The following DIS3L2 variants were observed in gnomAD, a reference collection of about 807,000 sequenced individuals.
DIS3L2 encodes the protein DIS3-like exonuclease 2.
Under a neutral mutation model 97.5 loss-of-function variants are expected in DIS3L2, and 34 were observed. That is an observed-to-expected ratio of 0.35 (90% CI 0.27 to 0.46). The LOEUF is 0.46. Ranked by LOEUF, DIS3L2 falls within the 20% of genes least tolerant of loss-of-function variation. The pLI, the probability that DIS3L2 is intolerant of heterozygous loss-of-function variation, is 1.00. For synonymous variants in DIS3L2, 435 were observed against 445.2 expected (o/e 0.98, Z 0.29); for missense variants, 1,038 against 1,146.0 (o/e 0.91, Z 1.36).
chr2:232,333,149 A>ACCTCCTCCTTCT (rs1553551342), intron 16 of DIS3L2, among the ~76,000 whole-genome samples: 69 of 96,512 alleles, frequency 7.1e-4, no homozygotes, highest in African/African-American at 2.3e-3. Flanking sequence ...TCCTTCCACC[A>ACCTCCTCCTTCT]CCTCCTCCTT....
At chr2:232,001,955 A>G (rs147784419) in intron 1 of DIS3L2, among the ~76,000 whole-genome samples, 1,712 of 152,128 alleles carry the variant, frequency 0.011, 19 homozygotes, top group Non-Finnish European at 0.016. Flanking sequence ...TCCTGACCTC[A>G]GGTGATCCAC....
At chr2:231,974,214 T>C (rs554703100) in intron 1 of DIS3L2, among the ~76,000 whole-genome samples, 1 of 151,952 alleles carries the variant, frequency 6.6e-6, no homozygotes, top group Admixed American at 6.6e-5. Flanking sequence ...CAAGTCTAAG[T>C]AAAAGAGGAG....
intron 5 of DIS3L2, among the ~76,000 whole-genome samples, chr2:232,078,331 A>C (rs914848584): frequency 2.0e-5 from 3 of 152,168 alleles, no homozygotes; most frequent in Middle Eastern, 6.8e-3. Context: ...GGCATGAGCC[A>C]CCTCGCCCAG....
intron 13 of DIS3L2, among the ~76,000 whole-genome samples, chr2:232,299,015 T>G (rs1454144059): frequency 1.3e-5 from 2 of 152,232 alleles, no homozygotes; most frequent in African/African-American, 4.8e-5. Flanking sequence ...TGACTCCCTA[T>G]CAGTCCCCAA....
intron 13 of DIS3L2, among the ~76,000 whole-genome samples, chr2:232,282,532 G>C (rs1382579086): frequency 6.6e-6 from 1 of 152,208 alleles, no homozygotes; most frequent in African/African-American, 2.4e-5. Context: ...CTATATAATG[G>C]AGTCTTCACA....
At chr2:231,967,408 A>G (rs1458081641) in intron 1 of DIS3L2, among the ~76,000 whole-genome samples, 1 of 152,214 alleles carries the variant, frequency 6.6e-6, no homozygotes, top group East Asian at 1.9e-4. Context: ...AGAAGCCCCA[A>G]ACATTTCTGT....
At chr2:232,010,942 C>T (rs1694180898) in intron 1 of DIS3L2, among the ~76,000 whole-genome samples, 1 of 152,212 alleles carries the variant, frequency 6.6e-6, no homozygotes, top group African/African-American at 2.4e-5. Context: ...TTGCTATGTA[C>T]TCTGCATTGT....
chr2:232,173,190 T>G (rs1431628656), intron 9 of DIS3L2, among the ~76,000 whole-genome samples: 1 of 152,162 alleles, frequency 6.6e-6, no homozygotes, highest in Non-Finnish European at 1.5e-5. Context: ...TGGTGTCATA[T>G]CTATAAAAAC....
At chr2:231,994,232 C>G (rs1015902587) in intron 1 of DIS3L2, among the ~76,000 whole-genome samples, 1 of 151,830 alleles carries the variant, frequency 6.6e-6, no homozygotes, top group South Asian at 2.1e-4. Flanking sequence ...CTCTGTTGTT[C>G]CATTGGTCTA....
chr2:232,324,062 A>G (rs1695510122), intron 14 of DIS3L2, among the ~76,000 whole-genome samples: 1 of 151,948 alleles, frequency 6.6e-6, no homozygotes, highest in Admixed American at 6.6e-5. Context: ...CACTACACTC[A>G]ATTTCCAGCT....
At chr2:232,029,296 C>T (rs1250453894) in intron 4 of DIS3L2, among the ~76,000 whole-genome samples, 2 of 152,116 alleles carry the variant, frequency 1.3e-5, no homozygotes, top group South Asian at 4.1e-4. Flanking sequence ...TTCTCAGGAA[C>T]CCTGACTGCT....
At chr2:232,302,901 ATAG>A (rs950121571) in intron 14 of DIS3L2, among the ~76,000 whole-genome samples, 7 of 152,054 alleles carry the variant, frequency 4.6e-5, no homozygotes, top group African/African-American at 1.7e-4. Flanking sequence ...AGTAGGATTA[ATAG>A]TAGGATTAAT....
At chr2:232,319,873 C>T (rs1695377085) in intron 14 of DIS3L2, among the ~76,000 whole-genome samples, 1 of 152,220 alleles carries the variant, frequency 6.6e-6, no homozygotes, top group Non-Finnish European at 1.5e-5. Context: ...ATCTGACTTA[C>T]GATTGACCCA....
intron 5 of DIS3L2, among the ~76,000 whole-genome samples, chr2:232,078,346 G>A (rs1696278462): frequency 6.6e-6 from 1 of 152,080 alleles, no homozygotes; most frequent in African/African-American, 2.4e-5. Context: ...GCCCAGCCTA[G>A]AGTATTTTCT....
At chr2:232,336,293 A>ACT in intron 20 of DIS3L2, 176 bp from the exon 21 acceptor site, 1 of 1,546,396 alleles carries the variant, frequency 6.5e-7, no homozygotes, top group East Asian at 2.5e-5. Context: ...TGACTCCCCA[A>ACT]CTCTGCCCTG....
intron 1 of DIS3L2, among the ~76,000 whole-genome samples, chr2:231,969,750 A>G (rs921762362): frequency 6.6e-6 from 1 of 152,212 alleles, no homozygotes; most frequent in Non-Finnish European, 1.5e-5. Context: ...TAACAATGTT[A>G]AATAGAGATG....
At chr2:232,283,884 A>C (rs1045468037) in intron 13 of DIS3L2, among the ~76,000 whole-genome samples, 1 of 152,190 alleles carries the variant, frequency 6.6e-6, no homozygotes, top group African/African-American at 2.4e-5. Context: ...GTGTGTGACC[A>C]AAATGGCATA....
intron 5 of DIS3L2, among the ~76,000 whole-genome samples, chr2:232,048,293 C>G (rs1695298244): frequency 6.6e-6 from 1 of 152,182 alleles, no homozygotes; most frequent in African/African-American, 2.4e-5. Flanking sequence ...TTTCTTTTCA[C>G]ACGCAAGTCA....
At chr2:232,213,937 C>T (rs1464871752) in intron 10 of DIS3L2, among the ~76,000 whole-genome samples, 1 of 152,066 alleles carries the variant, frequency 6.6e-6, no homozygotes, top group East Asian at 1.9e-4. Context: ...CACCTATCTT[C>T]ATGAAATCTC....
Sources: gnomAD v4.1 joint callset for allele counts (sites outside exome capture counted in the v4.1 genomes callset) on GRCh38, gnomAD v4.1.1 for gene constraint, MANE v1.5 for transcripts, NCBI Gene and HGNC (gene_info 2026-07-23, HGNC 2026-07-21) for gene names.